PRIM2: variants seen among roughly 807,000 people sequenced by gnomAD.
PRIM2 encodes DNA primase large subunit.
In PRIM2, 39 loss-of-function variants were observed where a neutral mutation model predicts 67.3. The ratio of observed to expected loss-of-function variants is 0.58; its 90% CI spans 0.45 to 0.76. PRIM2 has a LOEUF of 0.76. Ranked by LOEUF, PRIM2 falls within the 30% of genes least tolerant of loss-of-function variation. The probability of loss-of-function intolerance (pLI) is 0.00; values close to 1 mark genes in which losing one functional copy is unlikely to be tolerated. For synonymous variants in PRIM2, 143 were observed against 198.7 expected, an observed-to-expected ratio of 0.72 and a Z score of 2.36; for missense variants, 398 against 598.7, an observed-to-expected ratio of 0.66 and a Z score of 3.50.
intron 6 of PRIM2, among the ~76,000 whole-genome samples, chr6:57,381,284 T>C (rs549814798): frequency 3.9e-5 from 6 of 152,360 alleles, no homozygotes; most frequent in Non-Finnish European, 8.8e-5. Flanking sequence ...TATTTAATTC[T>C]TCCTTAAAAC....
At chr6:57,522,238 G>A (rs1774639775) in intron 8 of PRIM2, among the ~76,000 whole-genome samples, 1 of 152,130 alleles carries the variant, frequency 6.6e-6, no homozygotes, top group African/African-American at 2.4e-5. Flanking sequence ...CCTAATTACA[G>A]CCTGTATTTT....
intron 13 of PRIM2, among the ~76,000 whole-genome samples, chr6:57,641,523 G>T (rs1176437650): frequency 2.6e-5 from 4 of 152,042 alleles, no homozygotes; most frequent in African/African-American, 9.7e-5. Context: ...AATCTACAAA[G>T]AACTTAAATT....
At chr6:57,244,545 G>C in the PRIM2 span, among the ~76,000 whole-genome samples, 1 of 152,174 alleles carries the variant, frequency 6.6e-6, no homozygotes, top group African/African-American at 2.4e-5. Context: ...TGGATCACCT[G>C]AAGTCGGGAG....
At chr6:57,303,092 T>C in the PRIM2 span, among the ~76,000 whole-genome samples, 2 of 152,316 alleles carry the variant, frequency 1.3e-5, no homozygotes, top group East Asian at 1.9e-4. Context: ...ATAGCTAATA[T>C]GTCCACGTAA....
intron 6 of PRIM2, among the ~76,000 whole-genome samples, chr6:57,380,670 A>G (rs1375329032): frequency 6.6e-6 from 1 of 151,974 alleles, no homozygotes; most frequent in Non-Finnish European, 1.5e-5. Context: ...GAGTGCCAGT[A>G]GTTTAAAGTC....
At chr6:57,269,894 T>TC in the PRIM2 span, among the ~76,000 whole-genome samples, 116 of 152,346 alleles carry the variant, frequency 7.6e-4, 2 homozygotes, top group Admixed American at 3.3e-3. Context: ...GGGAATCCTT[T>TC]CCCCATTGCT....
chr6:57,591,280 A>G (rs1776277549), intron 10 of PRIM2, among the ~76,000 whole-genome samples: 1 of 152,214 alleles, frequency 6.6e-6, no homozygotes, highest in Non-Finnish European at 1.5e-5. Flanking sequence ...ACTTTAAGGT[A>G]GTGACTCAAG....
At chr6:57,450,175 G>A (rs950183956) in intron 7 of PRIM2, among the ~76,000 whole-genome samples, 120 of 152,214 alleles carry the variant, frequency 7.9e-4, no homozygotes, top group Middle Eastern at 6.8e-3. Flanking sequence ...TAATAGTAAC[G>A]TATACAGATT....
chr6:57,241,968 G>A, the PRIM2 span, among the ~76,000 whole-genome samples: 4 of 152,148 alleles, frequency 2.6e-5, no homozygotes, highest in South Asian at 2.1e-4. Flanking sequence ...CACTGTGCCC[G>A]GCCAGAACCA....
the PRIM2 span, among the ~76,000 whole-genome samples, chr6:57,308,098 C>T: frequency 2.6e-5 from 4 of 151,746 alleles, no homozygotes; most frequent in African/African-American, 9.7e-5. Flanking sequence ...ATGAATACAC[C>T]AGAATTTATT....
chr6:57,365,119 T>C (rs1424914271), intron 5 of PRIM2, among the ~76,000 whole-genome samples: 1 of 151,434 alleles, frequency 6.6e-6, no homozygotes, highest in Non-Finnish European at 1.5e-5. Context: ...TTTTAAAAAT[T>C]TAAGTTAAAA....
At chr6:57,240,108 T>G in the PRIM2 span, among the ~76,000 whole-genome samples, 22 of 135,116 alleles carry the variant, frequency 1.6e-4, no homozygotes, top group Middle Eastern at 3.6e-3. Context: ...TTTTTTTTTT[T>G]TTTTTTTTGA....
intron 7 of PRIM2, among the ~76,000 whole-genome samples, chr6:57,443,249 C>G (rs971613832): frequency 1.3e-5 from 2 of 152,184 alleles, no homozygotes; most frequent in African/African-American, 4.8e-5. Context: ...GATTTCAAAT[C>G]TTTTGGGTAA....
chr6:57,569,034 G>A (rs1775808264), intron 10 of PRIM2, among the ~76,000 whole-genome samples: 2 of 152,344 alleles, frequency 1.3e-5, no homozygotes, highest in South Asian at 4.1e-4. Flanking sequence ...ACCAAAGTTA[G>A]GATGAGCTAT....
chr6:57,257,244 T>C, the PRIM2 span, among the ~76,000 whole-genome samples: 1 of 151,394 alleles, frequency 6.6e-6, no homozygotes, highest in South Asian at 2.1e-4. Flanking sequence ...GAAAATATTA[T>C]GAAACAGAAT....
intron 12 of PRIM2, among the ~76,000 whole-genome samples, chr6:57,611,544 C>T (rs1776666361): frequency 6.6e-6 from 1 of 152,062 alleles, no homozygotes; most frequent in South Asian, 2.1e-4. Context: ...AGTTCCAGAA[C>T]AAGTCCAGAG....
the PRIM2 span, among the ~76,000 whole-genome samples, chr6:57,266,010 G>A: frequency 2.0e-5 from 3 of 152,186 alleles, no homozygotes; most frequent in African/African-American, 7.2e-5. Context: ...AAGAAAAGGA[G>A]AATGAAAAAA....
At chr6:57,551,325 A>G in intron 10 of PRIM2, among the ~76,000 whole-genome samples, 1 of 152,310 alleles carries the variant, frequency 6.6e-6, no homozygotes, top group Non-Finnish European at 1.5e-5. Flanking sequence ...TCAAGGGGAA[A>G]TCTAGATGGT....
the PRIM2 span, among the ~76,000 whole-genome samples, chr6:57,302,260 T>C: frequency 3.3e-5 from 5 of 152,222 alleles, no homozygotes; most frequent in Non-Finnish European, 7.3e-5. Context: ...AAAAAATATA[T>C]AAAAGTTTGA....
Sources: gnomAD v4.1 joint callset for allele counts (sites outside exome capture counted in the v4.1 genomes callset) on GRCh38, gnomAD v4.1.1 for gene constraint, MANE v1.5 for transcripts, NCBI Gene and HGNC (gene_info 2026-07-23, HGNC 2026-07-21) for gene names.